Variants in PKHD1 observed in about 807,000 individuals in gnomAD.
PKHD1 encodes the protein fibrocystin.
PKHD1 carries 291 observed loss-of-function variants against 412.0 expected under a neutral mutation model. The observed-to-expected ratio is 0.71, with a 90% CI of 0.64 to 0.78. The LOEUF is 0.78. Among genes scored for constraint, PKHD1 ranks in the 30% least tolerant of loss-of-function variants. PKHD1 has a pLI of 0.00. For synonymous variants in PKHD1, 1,777 were observed against 1,821.5 expected, an observed-to-expected ratio of 0.98 and a Z score of 0.62; for missense variants, 4,825 against 4,950.7, an observed-to-expected ratio of 0.97 and a Z score of 0.76.
intron 63 of PKHD1, among the ~76,000 whole-genome samples, chr6:51,639,601 CA>C (rs34787950): frequency 2.9e-4 from 44 of 150,546 alleles, no homozygotes; most frequent in African/African-American, 1.0e-3. Flanking sequence ...AAAACAAAAA[CA>C]AAAAAAAACC....
intron 23 of PKHD1, among the ~76,000 whole-genome samples, chr6:52,046,465 T>C (rs1805857746): frequency 6.6e-6 from 1 of 152,150 alleles, no homozygotes; most frequent in African/African-American, 2.4e-5. Context: ...GATAAAACCA[T>C]CTCAACTGTC....
chr6:51,735,277 T>C (rs1244578900), intron 60 of PKHD1, among the ~76,000 whole-genome samples: 3 of 152,196 alleles, frequency 2.0e-5, no homozygotes, highest in African/African-American at 7.2e-5. Context: ...ACATTCTAAC[T>C]GTGGGACTGT....
intron 2 of PKHD1, 34 bp downstream of exon 2, chr6:52,084,848 T>C: frequency 7.5e-7 from 1 of 1,334,282 alleles, no homozygotes; most frequent in African/African-American, 1.4e-5. Context: ...ATTGTGTTCT[T>C]ACCTATAATT....
At position 51,986,143 on chromosome 6, in the gene PKHD1, G is replaced by A. The variant is rs1044908661; in HGVS notation, c.5751+24166C>T. The stretch of plus-strand genomic sequence containing the variant: ...GATTTCAAGTTAAAAAAACAGAAAT[G>A]TAAGTAATATATAGCATTTGTCTCT... On this transcript the variant is annotated intron_variant, in intron 35 of 66. Transcript: ENST00000371117. 3.9e-5 allele frequency among the ~76,000 whole-genome samples: 6 copies of A among 152,318 alleles called. No homozygotes were observed. The East Asian group carries it at 1.2e-3, about 29-fold the overall frequency.
chr6:52,002,919 T>C (rs952323674), intron 35 of PKHD1, among the ~76,000 whole-genome samples: 2 of 152,162 alleles, frequency 1.3e-5, no homozygotes, highest in African/African-American at 4.8e-5. Flanking sequence ...ATAAGCAGTG[T>C]GGTTTGCCTT....
At chr6:51,855,028 T>G (rs7775792) in intron 49 of PKHD1, among the ~76,000 whole-genome samples, 61,405 of 152,128 alleles carry the variant, frequency 0.4, 13,578 homozygotes, top group East Asian at 0.85. Flanking sequence ...TGCTTAGGGC[T>G]CTAGGCCCGG....
chr6:51,670,064 T>C (rs1067567), intron 60 of PKHD1, among the ~76,000 whole-genome samples: 133,973 of 141,530 alleles, frequency 0.95, 63,519 homozygotes, highest in East Asian at 1. Flanking sequence ...CTACTAGGTC[T>C]GCTTGGTGCA....
intron 60 of PKHD1, among the ~76,000 whole-genome samples, chr6:51,708,460 T>C (rs1395197454): frequency 6.6e-6 from 1 of 152,230 alleles, no homozygotes; most frequent in African/African-American, 2.4e-5. Context: ...GGTCTAATCA[T>C]GATATTTCCT....
Position 51,989,520 on chromosome 6 carries a change from G to C in PKHD1, c.5751+20789C>G, listed in dbSNP as rs1283822381. ...TATGTGTGTAGAAAGGAAGACCAGA[G>C]AGTTATCACAGAATTGAACCTGCAC... is the stretch of plus-strand genomic sequence containing the variant. On this transcript the variant is annotated intron_variant, in intron 35 of 66. Coordinates refer to ENST00000371117, the MANE Select transcript of PKHD1 (RefSeq NM_138694.4). Among the ~76,000 whole-genome samples the C allele has an allele frequency of 2.0e-5, 3 of 152,248 alleles. No homozygotes were observed. In the East Asian group the frequency reaches 5.8e-4, roughly 29 times the overall value.
chr6:51,724,836 C>T (rs1261501744), intron 60 of PKHD1, among the ~76,000 whole-genome samples: 2 of 151,896 alleles, frequency 1.3e-5, no homozygotes, highest in Non-Finnish European at 2.9e-5. Flanking sequence ...CTACAGTAAA[C>T]GAGAAGGCAA....
intron 16 of PKHD1, among the ~76,000 whole-genome samples, chr6:52,057,340 T>C (rs1478396588): frequency 6.6e-6 from 1 of 152,188 alleles, no homozygotes; most frequent in African/African-American, 2.4e-5. Context: ...TGGAGGCTTA[T>C]GCAGTCTCTG....
intron 35 of PKHD1, 24 bp from the exon 36 acceptor site, chr6:51,960,050 G>A (rs1791773772): frequency 1.2e-6 from 2 of 1,612,676 alleles, no homozygotes; most frequent in African/African-American, 1.3e-5. Context: ...AGCTGGGTTG[G>A]TGGGTTGGTT....
chr6:51,886,080 G>A (rs1778168946), intron 44 of PKHD1, 108 bp from the exon 45 acceptor site: 1 of 766,482 alleles, frequency 1.3e-6, no homozygotes, highest in Admixed American at 2.0e-5. Context: ...GAGAATGAAG[G>A]TAGATGGAAT....
chr6:51,925,654 GAAGCAT>G (rs1785461837), intron 37 of PKHD1, among the ~76,000 whole-genome samples: 1 of 152,166 alleles, frequency 6.6e-6, no homozygotes, highest in East Asian at 1.9e-4. Context: ...AACTTAGACT[GAAGCAT>G]AGGTTCTTCT....
Position 51,868,117 on chromosome 6 carries a change from T to A in PKHD1, c.7487-8A>T. ...TCTTCACAGTAAATCCACCTATAAATTGGAAAACAGAAAGATTATTACACA... is the reference window on the plus strand; with the variant it reads ...TCTTCACAGTAAATCCACCTATAAAATGGAAAACAGAAAGATTATTACACA... On this transcript the variant is annotated splice_region_variant and splice_polypyrimidine_tract_variant and intron_variant, in intron 47 of 66. Transcript: ENST00000371117. 4 of 1,609,044 alleles carry A rather than the reference T, an allele frequency of 2.5e-6. No homozygotes were observed. Among genetic ancestry groups the A allele is most frequent in the Non-Finnish European group, 3.4e-6 (4 of 1,175,706 alleles).
At chr6:51,655,177 T>G (rs189078612) in intron 61 of PKHD1, among the ~76,000 whole-genome samples, 8 of 152,236 alleles carry the variant, frequency 5.3e-5, no homozygotes, top group Admixed American at 5.2e-4. Context: ...GCTGGCAATA[T>G]AGGAATCTCT....
At chr6:51,625,976 T>G (rs1307177659) in intron 66 of PKHD1, among the ~76,000 whole-genome samples, 2 of 152,166 alleles carry the variant, frequency 1.3e-5, no homozygotes, top group Admixed American at 6.6e-5. Context: ...CACCTTCTGG[T>G]GCAGGTCCAG....
chr6:52,053,708 T>A (rs545596572), intron 20 of PKHD1, among the ~76,000 whole-genome samples: 9 of 152,334 alleles, frequency 5.9e-5, no homozygotes, highest in South Asian at 2.1e-4. Flanking sequence ...ACTAGCTGAA[T>A]GAATTTTGAT....
intron 15 of PKHD1, among the ~76,000 whole-genome samples, chr6:52,059,719 G>C (rs1340133197): frequency 1.3e-5 from 2 of 152,186 alleles, no homozygotes; most frequent in East Asian, 3.8e-4. Context: ...GTCTATAAAA[G>C]ATGTAGCATA....
Sources: gnomAD v4.1 joint callset for allele counts (sites outside exome capture counted in the v4.1 genomes callset) on GRCh38, gnomAD v4.1.1 for gene constraint, MANE v1.5 for transcripts, NCBI Gene and HGNC (gene_info 2026-07-23, HGNC 2026-07-21) for gene names.